The following SYT2 variants were observed in gnomAD, a reference collection of about 807,000 sequenced individuals.
The protein encoded by SYT2 is synaptotagmin 2.
In SYT2, 15 loss-of-function variants were observed where a neutral mutation model predicts 39.9. The observed-to-expected ratio is 0.38, with a 90% confidence interval of 0.25 to 0.58. SYT2 has a LOEUF of 0.58. Ranked by LOEUF, SYT2 falls within the 20% of genes least tolerant of loss-of-function variation. The probability of loss-of-function intolerance (pLI) is 0.70; values close to 1 mark genes in which losing one functional copy is unlikely to be tolerated. For synonymous variants in SYT2, 181 were observed against 204.5 expected, an observed-to-expected ratio of 0.89 and a Z score of 0.98; for missense variants, 389 against 530.3, an observed-to-expected ratio of 0.73 and a Z score of 2.62.
intron 1 of SYT2, among the ~76,000 whole-genome samples, chr1:202,621,924 A>G (rs2362949): frequency 7.2e-5 from 11 of 152,262 alleles, no homozygotes; most frequent in African/African-American, 9.6e-5. Flanking sequence ...AAAAGCATAT[A>G]TGTGTGTGTG....
At chr1:202,670,344 G>A (rs1430030948) in intron 1 of SYT2, among the ~76,000 whole-genome samples, 2 of 152,190 alleles carry the variant, frequency 1.3e-5, no homozygotes, top group African/African-American at 2.4e-5. Flanking sequence ...TGGGAGCATC[G>A]GGCACTCAAC....
At chr1:202,620,962 T>C (rs1466190737) in intron 1 of SYT2, among the ~76,000 whole-genome samples, 1 of 152,108 alleles carries the variant, frequency 6.6e-6, no homozygotes, top group African/African-American at 2.4e-5. Context: ...CCAAGGGAGA[T>C]AGTGGAAGAA....
intron 1 of SYT2, among the ~76,000 whole-genome samples, chr1:202,678,020 T>C (rs1159530127): frequency 1.3e-5 from 2 of 152,184 alleles, no homozygotes; most frequent in Non-Finnish European, 2.9e-5. Flanking sequence ...ATGCCTGTAA[T>C]CCCAGCACTT....
At chr1:202,671,017 C>T (rs1271358049) in intron 1 of SYT2, among the ~76,000 whole-genome samples, 2 of 152,172 alleles carry the variant, frequency 1.3e-5, no homozygotes, top group Non-Finnish European at 2.9e-5. Flanking sequence ...ACAGGCGAGG[C>T]CAAAGAACCA....
intron 1 of SYT2, among the ~76,000 whole-genome samples, chr1:202,618,400 AGTGTGTGTGTGTGT>A (rs57621822): frequency 1.3e-5 from 2 of 148,766 alleles, no homozygotes; most frequent in South Asian, 2.1e-4. Context: ...GTCTGGTGTG[AGTGTGTGTGTGTGT>A]GTGTGTGTGT....
chr1:202,631,989 AAGG>A (rs1431831640), intron 1 of SYT2: 3 of 979,442 alleles, frequency 3.1e-6, no homozygotes, highest in South Asian at 9.4e-5. Flanking sequence ...GTTTGTCCTC[AAGG>A]AGAAGTAGCT....
In SYT2 at chr1:202,614,339, T is replaced by C. The variant is rs2149078454; in HGVS notation, c.-17-8550A>G. ...GGTGCTGAGCAGTTATAAGTGGGGT[T>C]TGTGAAGTTAGCTCCATGGGGAGTG... On this transcript the variant is annotated intron_variant, in intron 1 of 8. Transcript: ENST00000367268. This position sits in a 1 kb window ranked among gnomAD's most constrained non-coding sequence, Gnocchi z 4.0. Among the ~76,000 whole-genome samples the C allele has an allele frequency of 6.6e-6, 1 of 152,234 alleles. No homozygotes were observed. Among genetic ancestry groups the C allele is most frequent in the South Asian group, 2.1e-4 (1 of 4,822 alleles).
chr1:202,624,325 G>C (rs535764116), intron 1 of SYT2, among the ~76,000 whole-genome samples: 1 of 149,894 alleles, frequency 6.7e-6, no homozygotes, highest in South Asian at 2.1e-4. Flanking sequence ...TGGGTTAGGG[G>C]TGGAGGCTCT....
At position 202,614,883 on chromosome 1, in the gene SYT2, T is replaced by C. The variant is rs1032885101; in HGVS notation, c.-17-9094A>G. ...GGGCAGGGCAGGATCAGGAGCACCA[T>C]AGGCCGCGTCAAGGAGTTTTGTCTT... On this transcript the variant is annotated intron_variant, in intron 1 of 8. Transcript: ENST00000367268. The surrounding 1 kb of genome is among the most constrained non-coding windows in gnomAD (Gnocchi z 4.0). Among the ~76,000 whole-genome samples the C allele has an allele frequency of 1.3e-5, 2 of 152,270 alleles. No individual in the cohort carries two copies.
chr1:202,677,178 T>C (rs1446752974), intron 1 of SYT2, among the ~76,000 whole-genome samples: 3 of 152,210 alleles, frequency 2.0e-5, no homozygotes, highest in Non-Finnish European at 4.4e-5. Context: ...AGGTAGTTCT[T>C]TACAGCAGTG....
intron 1 of SYT2, among the ~76,000 whole-genome samples, chr1:202,706,950 G>A (rs1654267789): frequency 6.6e-6 from 1 of 152,212 alleles, no homozygotes; most frequent in Admixed American, 6.5e-5. Context: ...GACATTGTCA[G>A]ATCATCCTGT....
In SYT2 at chr1:202,640,315, AC is replaced by A. The variant is rs564063573; in HGVS notation, c.-17-34527del. Reference sequence around the variant, plus strand: ...GTCACGGACCAACAAAGCCAGAAGGACTTTGGGTCATCTAAACCAAGCTTTC... The same window carrying A: ...GTCACGGACCAACAAAGCCAGAAGGATTTGGGTCATCTAAACCAAGCTTTC... On this transcript the variant is annotated intron_variant, in intron 1 of 8. Transcript: ENST00000367268. 3.4e-3 allele frequency among the ~76,000 whole-genome samples: 496 copies of A among 145,756 alleles called. 2 individuals are homozygous for A. Among genetic ancestry groups the A allele is most frequent in the African/African-American group, 0.012 (458 of 39,170 alleles).
intron 1 of SYT2, chr1:202,627,650 C>A (rs1691455165): frequency 1.0e-6 from 1 of 985,064 alleles, no homozygotes; most frequent in Non-Finnish European, 1.2e-6. Context: ...GACCACTTCC[C>A]TGGTTAATGA....
intron 1 of SYT2, among the ~76,000 whole-genome samples, chr1:202,693,079 T>C (rs1343915062): frequency 1.3e-5 from 2 of 152,188 alleles, no homozygotes; most frequent in Non-Finnish European, 2.9e-5. Context: ...GAGATATTGA[T>C]GCATCCATCA....
At chr1:202,605,944 C>T (rs1690690323) in intron 1 of SYT2, among the ~76,000 whole-genome samples, 155 bp from the exon 2 acceptor site, 1 of 152,062 alleles carries the variant, frequency 6.6e-6, no homozygotes, top group African/African-American at 2.4e-5. Context: ...TAGACATCAT[C>T]CAATTAGTAC....
chr1:202,642,738 C>T (rs1167849606), intron 1 of SYT2, among the ~76,000 whole-genome samples: 2 of 152,358 alleles, frequency 1.3e-5, no homozygotes, highest in African/African-American at 4.8e-5. Flanking sequence ...GCCAGGGGCT[C>T]CCCAGTGTCG....
chr1:202,611,689 A>C (rs1690887801), intron 1 of SYT2, among the ~76,000 whole-genome samples: 1 of 152,206 alleles, frequency 6.6e-6, no homozygotes, highest in South Asian at 2.1e-4. Flanking sequence ...CCTTTGAAGC[A>C]AAAAAGTTTT....
At chr1:202,634,668 T>G (rs193175435) in intron 1 of SYT2, among the ~76,000 whole-genome samples, 3 of 151,902 alleles carry the variant, frequency 2.0e-5, no homozygotes, top group Admixed American at 2.0e-4. Flanking sequence ...TAAAACGCAG[T>G]ATATCTACAC....
At chr1:202,629,883 G>A (rs1691527986) in intron 1 of SYT2, among the ~76,000 whole-genome samples, 1 of 123,202 alleles carries the variant, frequency 8.1e-6, no homozygotes, top group African/African-American at 2.7e-5. Context: ...GGGGGGGGTG[G>A]TACGGCAGGT....
Sources: gnomAD v4.1 joint callset for allele counts (sites outside exome capture counted in the v4.1 genomes callset) on GRCh38, gnomAD v4.1.1 for gene constraint, Gnocchi (gnomAD v3.1) non-coding constraint, MANE v1.5 for transcripts, NCBI Gene and HGNC (gene_info 2026-07-23, HGNC 2026-07-21) for gene names.